EPB41L2: variants seen among roughly 807,000 people sequenced by gnomAD.
The protein encoded by EPB41L2 is erythrocyte membrane protein band 4.1 like 2, also known as band 4.1-like protein 2.
In EPB41L2, 43 loss-of-function variants were observed where a neutral mutation model predicts 113.0. The ratio of observed to expected loss-of-function variants is 0.38; its 90% CI spans 0.30 to 0.49. The LOEUF is 0.49. Ranked by LOEUF, EPB41L2 falls within the 20% of genes least tolerant of loss-of-function variation. EPB41L2 has a pLI of 0.95. For synonymous variants in EPB41L2, 442 were observed against 436.7 expected, an observed-to-expected ratio of 1.01 and a Z score of -0.15; for missense variants, 1,147 against 1,223.4, an observed-to-expected ratio of 0.94 and a Z score of 0.93.
At chr6:131,002,490 C>T (rs192528721) in intron 1 of EPB41L2, among the ~76,000 whole-genome samples, 109 of 152,188 alleles carry the variant, frequency 7.2e-4, no homozygotes, top group African/African-American at 2.6e-3. Context: ...AGAATAAATG[C>T]CGTAAGTCTG....
intron 8 of EPB41L2, among the ~76,000 whole-genome samples, chr6:130,899,085 C>T (rs571788788): frequency 1.3e-5 from 2 of 152,092 alleles, no homozygotes; most frequent in Non-Finnish European, 2.9e-5. Context: ...TGGTCCCATG[C>T]TACTTTTGCC....
intron 7 of EPB41L2, 117 bp from the exon 8 acceptor site, chr6:130,899,695 T>A (rs1165430616): frequency 3.6e-5 from 32 of 896,290 alleles, no homozygotes; most frequent in Non-Finnish European, 2.4e-5. Flanking sequence ...CCAGCCAAGT[T>A]TGCAGAAAAG....
chr6:130,870,714 G>C (rs1197203087), intron 14 of EPB41L2, among the ~76,000 whole-genome samples: 3 of 151,830 alleles, frequency 2.0e-5, no homozygotes, highest in Non-Finnish European at 4.4e-5. Flanking sequence ...TTAAAACCTA[G>C]TAACAGTTTT....
chr6:130,885,129 A>C lies in EPB41L2; in HGVS notation c.1800T>G (p.Thr600=). 1 of 1,614,150 alleles carries C rather than the reference A, an allele frequency of 6.2e-7. No individual in the cohort carries two copies. The highest frequency in any genetic ancestry group is 8.5e-7 in the Non-Finnish European group (1 of 1,180,008). Residue 600 remains threonine (T), a synonymous_variant, in exon 12 of 20, where the codon ACT becomes ACG. Coordinates refer to ENST00000337057, the MANE Select transcript of EPB41L2 (RefSeq NM_001431.4). The part of the protein sequence containing the change: ...GDGRREVRSP[T]KAPHLQLIEG... ...CAATGAGCTGCAAATGTGGGGCTTT[A>C]GTTGGGCTTCTCACTTCCCTCCTGC...
chr6:130,920,349 G>A (rs1802472543), intron 4 of EPB41L2, among the ~76,000 whole-genome samples: 1 of 152,218 alleles, frequency 6.6e-6, no homozygotes, highest in Non-Finnish European at 1.5e-5. Context: ...ATGCTGGACA[G>A]TGTAGGTATC....
At chr6:130,877,647 C>T (rs1787986420) in intron 14 of EPB41L2, among the ~76,000 whole-genome samples, 1 of 152,050 alleles carries the variant, frequency 6.6e-6, no homozygotes, top group African/African-American at 2.4e-5. Flanking sequence ...TTCAACAGGG[C>T]TCATCGGTCT....
At chr6:130,907,718 A>G (rs1798145836) in intron 5 of EPB41L2, among the ~76,000 whole-genome samples, 1 of 152,194 alleles carries the variant, frequency 6.6e-6, no homozygotes, top group Non-Finnish European at 1.5e-5. Context: ...AAAAAGATAA[A>G]TAATTCGAGA....
At chr6:131,046,078 A>ATTTTTTTT (rs36055181) in intron 1 of EPB41L2, among the ~76,000 whole-genome samples, 1 of 123,990 alleles carries the variant, frequency 8.1e-6, no homozygotes. Flanking sequence ...TCCGAAGCTA[A>ATTTTTTTT]TTTTTTTTTT....
chr6:131,011,735 G>T (rs550995963), intron 1 of EPB41L2, among the ~76,000 whole-genome samples: 1 of 152,272 alleles, frequency 6.6e-6, no homozygotes, highest in African/African-American at 2.4e-5. Context: ...ACTCTTAATA[G>T]GCAGTCGACT....
chr6:130,960,296 A>C lies in EPB41L2; in HGVS notation c.-14-3797T>G, dbSNP rs999420079. On this transcript the variant is annotated intron_variant, in intron 1 of 19. Transcript: ENST00000337057. ...TTAGTGAAAATGACTATGAAATAAC[A>C]TAAATGTATTCTCAGATTTATTCAA... Among the ~76,000 whole-genome samples, 40 of 152,246 alleles carry C rather than the reference A, an allele frequency of 2.6e-4. 1 individual carries two copies. Among genetic ancestry groups the C allele is most frequent in the Non-Finnish European group, 2.4e-4 (16 of 68,042 alleles).
intron 3 of EPB41L2, among the ~76,000 whole-genome samples, chr6:130,952,708 G>A (rs1007357097): frequency 1.4e-4 from 22 of 151,842 alleles, no homozygotes; most frequent in African/African-American, 5.1e-4. Context: ...TACACAGGAC[G>A]CTGAGGCAGA....
At chr6:130,890,537 A>T (rs868097085) in intron 10 of EPB41L2, 71 bp from the exon 11 acceptor site, 299 of 1,514,120 alleles carry the variant, frequency 2.0e-4, no homozygotes, top group African/African-American at 1.2e-3. Flanking sequence ...GGAATTTTTT[A>T]AAAAAACTTT....
At chr6:130,911,428 G>A (rs926871714) in intron 4 of EPB41L2, among the ~76,000 whole-genome samples, 3 of 151,954 alleles carry the variant, frequency 2.0e-5, no homozygotes, top group Non-Finnish European at 4.4e-5. Flanking sequence ...AGATGACGGG[G>A]GTTGATGGGT....
At position 130,869,708 on chromosome 6, in the gene EPB41L2, T is replaced by C; in HGVS notation, c.2462A>G (p.Gln821Arg). 1 of 1,614,188 alleles carries C rather than the reference T, an allele frequency of 6.2e-7. No individual in the cohort carries two copies. Among genetic ancestry groups the C allele is most frequent in the Non-Finnish European group, 8.5e-7 (1 of 1,180,022 alleles). ...ETVIQENVGA[Q>R]KIPGEKSVHE... ...TACACTCTTCTCTCCGGGTATCTTT[T>C]GGGCACCTACATTTTCCTGGATCAC... The change falls in exon 15 of 20, where the codon CAA becomes CGA. Residue 821 changes from glutamine (Q) to arginine (R), a missense_variant. Coordinates refer to ENST00000337057, the MANE Select transcript of EPB41L2 (RefSeq NM_001431.4).
chr6:130,970,187 A>G (rs1170013341), intron 1 of EPB41L2: 1 of 152,154 alleles, frequency 6.6e-6, no homozygotes, highest in Non-Finnish European at 1.5e-5. Flanking sequence ...TTCAATAGCA[A>G]ACTTCCTCCA....
chr6:130,900,468 G>A (rs995557760), intron 7 of EPB41L2, among the ~76,000 whole-genome samples: 3 of 152,112 alleles, frequency 2.0e-5, no homozygotes, highest in African/African-American at 4.8e-5. Context: ...AGTAATCTTA[G>A]CTAAACCAAC....
At chr6:130,849,836 T>A (rs1340567083) in intron 19 of EPB41L2, among the ~76,000 whole-genome samples, 1 of 152,188 alleles carries the variant, frequency 6.6e-6, no homozygotes, top group Non-Finnish European at 1.5e-5. Flanking sequence ...TGTTTAATAA[T>A]GTTTAGTTGT....
At chr6:130,913,527 C>T (rs1306721071) in intron 4 of EPB41L2, among the ~76,000 whole-genome samples, 3 of 152,162 alleles carry the variant, frequency 2.0e-5, no homozygotes, top group Non-Finnish European at 4.4e-5. Flanking sequence ...TTTTAGGCAA[C>T]CAGTGAGAAC....
At chr6:131,036,790 G>GA (rs1157252243) in intron 1 of EPB41L2, among the ~76,000 whole-genome samples, 3 of 152,092 alleles carry the variant, frequency 2.0e-5, no homozygotes, top group African/African-American at 7.2e-5. Context: ...AAACAAAGGA[G>GA]AAAAAAACAG....
Sources: allele counts gnomAD v4.1 joint callset (sites outside exome capture counted in the v4.1 genomes callset), GRCh38; gene constraint gnomAD v4.1.1; transcripts MANE v1.5; gene names NCBI Gene and HGNC (gene_info 2026-07-23, HGNC 2026-07-21).